MAF: variants seen among roughly 807,000 people sequenced by gnomAD.
The protein encoded by MAF is transcription factor Maf.
In MAF, 10 loss-of-function variants were observed where a neutral mutation model predicts 22.0. The ratio of observed to expected loss-of-function variants is 0.45; its 90% CI spans 0.28 to 0.77. MAF has a LOEUF of 0.77. MAF is among the 30% of genes least tolerant of loss of function. The pLI is 0.12. For synonymous variants in MAF, 337 were observed against 255.8 expected, an observed-to-expected ratio of 1.32 and a Z score of -3.03; for missense variants, 544 against 548.4, an observed-to-expected ratio of 0.99 and a Z score of 0.08.
the MAF span, among the ~76,000 whole-genome samples, chr16:79,430,268 G>T: frequency 1.3e-5 from 2 of 152,216 alleles, no homozygotes; most frequent in Non-Finnish European, 2.9e-5. Context: ...TATTGAGCAC[G>T]TAGAGCCTGC....
At chr16:79,285,505 G>A in the MAF span, among the ~76,000 whole-genome samples, 1 of 152,136 alleles carries the variant, frequency 6.6e-6, no homozygotes, top group East Asian at 1.9e-4. Flanking sequence ...CCTAGGTGTG[G>A]GGAGCAGGGA....
chr16:79,365,442 G>C, the MAF span, among the ~76,000 whole-genome samples: 8 of 152,314 alleles, frequency 5.3e-5, no homozygotes, highest in South Asian at 1.0e-3. Context: ...GCCTAGTACA[G>C]TGCCAGGGAT....
At chr16:79,385,440 G>C in the MAF span, among the ~76,000 whole-genome samples, 7 of 152,040 alleles carry the variant, frequency 4.6e-5, no homozygotes, top group African/African-American at 1.4e-4. Context: ...AACTCTGCCT[G>C]TTCTCTATGT....
the MAF span, among the ~76,000 whole-genome samples, chr16:79,375,126 A>T: frequency 1.3e-5 from 2 of 152,254 alleles, no homozygotes; most frequent in African/African-American, 4.8e-5. Context: ...TGACTACACA[A>T]GGTAAAGGAA....
the MAF span, among the ~76,000 whole-genome samples, chr16:79,502,708 A>AATATAT: frequency 3.2e-3 from 108 of 33,892 alleles, no homozygotes; most frequent in South Asian, 4.8e-3. Flanking sequence ...TATAAATATA[A>AATATAT]ATATATATAT....
At chr16:79,518,063 G>C in the MAF span, among the ~76,000 whole-genome samples, 105 of 152,272 alleles carry the variant, frequency 6.9e-4, no homozygotes, top group South Asian at 1.7e-3. Flanking sequence ...ACTTGATGCC[G>C]GGCATCCTAT....
At chr16:79,531,819 G>A in the MAF span, among the ~76,000 whole-genome samples, 1 of 152,064 alleles carries the variant, frequency 6.6e-6, no homozygotes, top group Non-Finnish European at 1.5e-5. Context: ...GACTGGTACT[G>A]GTCTGTGGCC....
chr16:79,323,045 G>A, the MAF span, among the ~76,000 whole-genome samples: 1 of 150,636 alleles, frequency 6.6e-6, no homozygotes, highest in Non-Finnish European at 1.5e-5. Context: ...AGTCACTCGG[G>A]AGGCTGGGGC....
the MAF span, among the ~76,000 whole-genome samples, chr16:79,512,189 A>G: frequency 6.6e-6 from 1 of 152,148 alleles, no homozygotes; most frequent in Non-Finnish European, 1.5e-5. Context: ...CTACCCTTGG[A>G]TCTAAGCTAG....
the MAF span, among the ~76,000 whole-genome samples, chr16:79,226,933 C>G: frequency 6.6e-6 from 1 of 151,854 alleles, no homozygotes; most frequent in Admixed American, 6.6e-5. Context: ...GACATACTGA[C>G]AGAAATGGAA....
chr16:79,540,279 A>G, the MAF span, among the ~76,000 whole-genome samples: 1 of 151,858 alleles, frequency 6.6e-6, no homozygotes, highest in African/African-American at 2.4e-5. Context: ...CAGGGAGGCC[A>G]TCTCCAGACA....
At chr16:79,354,966 C>A in the MAF span, among the ~76,000 whole-genome samples, 2 of 149,924 alleles carry the variant, frequency 1.3e-5, no homozygotes, top group Non-Finnish European at 2.9e-5. Context: ...AAGCTCTTGG[C>A]AGGGGATTAA....
the MAF span, among the ~76,000 whole-genome samples, chr16:79,246,548 G>C: frequency 1.5e-5 from 2 of 129,698 alleles, no homozygotes; most frequent in African/African-American, 2.8e-5. Context: ...TTTGGGGGGG[G>C]TGTGGGGGTG....
chr16:79,416,139 G>T, the MAF span, among the ~76,000 whole-genome samples: 4 of 152,128 alleles, frequency 2.6e-5, no homozygotes, highest in African/African-American at 9.7e-5. Context: ...TGCCACCCGC[G>T]GCACAGGATG....
the MAF span, among the ~76,000 whole-genome samples, chr16:79,300,474 G>A: frequency 6.6e-6 from 1 of 152,132 alleles, no homozygotes; most frequent in Non-Finnish European, 1.5e-5. Context: ...AGAATCACTT[G>A]AACCCGGGAG....
chr16:79,466,021 T>G, the MAF span, among the ~76,000 whole-genome samples: 7 of 152,228 alleles, frequency 4.6e-5, no homozygotes, highest in Non-Finnish European at 8.8e-5. Flanking sequence ...GATGAATGAA[T>G]GAATGAGTGA....
chr16:79,588,274 G>C (rs1247508949), intron 1 of MAF, among the ~76,000 whole-genome samples: 1 of 152,164 alleles, frequency 6.6e-6, no homozygotes, highest in African/African-American at 2.4e-5. Context: ...GTCTGGCAAA[G>C]GGAGCTTACC....
the MAF span, among the ~76,000 whole-genome samples, chr16:79,236,420 G>T: frequency 1.3e-5 from 2 of 152,016 alleles, no homozygotes; most frequent in African/African-American, 2.4e-5. Flanking sequence ...ATTCCTTGGG[G>T]AAAGTCAAGC....
At chr16:79,244,808 C>G in the MAF span, among the ~76,000 whole-genome samples, 7 of 152,060 alleles carry the variant, frequency 4.6e-5, no homozygotes, top group African/African-American at 1.4e-4. Flanking sequence ...TGCTACCTGA[C>G]TTCAAAGTAT....
Sources: gnomAD v4.1 joint callset for allele counts (sites outside exome capture counted in the v4.1 genomes callset) on GRCh38, gnomAD v4.1.1 for gene constraint, MANE v1.5 for transcripts, NCBI Gene and HGNC (gene_info 2026-07-23, HGNC 2026-07-21) for gene names.